NKAIN2: variants seen among roughly 807,000 people sequenced by gnomAD.
NKAIN2 encodes the protein sodium/potassium-transporting ATPase subunit beta-1-interacting protein 2.
In NKAIN2, 14 loss-of-function variants were observed where a neutral mutation model predicts 32.6. The observed-to-expected ratio is 0.43, with a 90% CI of 0.28 to 0.67. The LOEUF is 0.67. Ranked by LOEUF, NKAIN2 falls within the 30% of genes least tolerant of loss-of-function variation. The probability of loss-of-function intolerance (pLI) is 0.17; values close to 1 mark genes in which losing one functional copy is unlikely to be tolerated. For missense variants in NKAIN2, 198 were observed against 258.3 expected (o/e 0.77, Z 1.60); for synonymous variants, 80 against 87.2 (o/e 0.92, Z 0.46).
intron 1 of NKAIN2, among the ~76,000 whole-genome samples, chr6:124,062,442 A>G (rs960714582): frequency 6.6e-6 from 1 of 151,996 alleles, no homozygotes; most frequent in African/African-American, 2.4e-5. Flanking sequence ...TGTTGTTGTT[A>G]TTTTGAGACA....
intron 4 of NKAIN2, among the ~76,000 whole-genome samples, chr6:124,771,540 T>C (rs116349050): frequency 3.9e-4 from 59 of 152,282 alleles, no homozygotes; most frequent in African/African-American, 1.3e-3. Flanking sequence ...TAAGACGATA[T>C]TTTGCTGAGG....
At chr6:124,262,857 A>G (rs2114848660) in intron 1 of NKAIN2, among the ~76,000 whole-genome samples, 2 of 152,270 alleles carry the variant, frequency 1.3e-5, no homozygotes, top group Non-Finnish European at 2.9e-5. Context: ...TGGACTCTGG[A>G]TCAAGTCTAC....
At chr6:124,754,630 A>T (rs914730618) in intron 4 of NKAIN2, among the ~76,000 whole-genome samples, 1 of 152,124 alleles carries the variant, frequency 6.6e-6, no homozygotes, top group Non-Finnish European at 1.5e-5. Flanking sequence ...AAAAGTTCAA[A>T]AAATAACAGA....
At chr6:124,452,872 C>G (rs1776164545) in intron 3 of NKAIN2, among the ~76,000 whole-genome samples, 1 of 152,076 alleles carries the variant, frequency 6.6e-6, no homozygotes, top group Admixed American at 6.6e-5. Flanking sequence ...AAGCACTACC[C>G]TTTCACATCT....
intron 1 of NKAIN2, among the ~76,000 whole-genome samples, chr6:124,227,130 G>A (rs1228801075): frequency 6.6e-6 from 1 of 151,692 alleles, no homozygotes; most frequent in African/African-American, 2.4e-5. Context: ...GAATCTAGTG[G>A]CCTGAACTCA....
intron 4 of NKAIN2, among the ~76,000 whole-genome samples, chr6:124,708,368 A>G (rs1775219439): frequency 6.6e-6 from 1 of 151,606 alleles, no homozygotes; most frequent in Non-Finnish European, 1.5e-5. Context: ...GTTTTTTCCA[A>G]TTCTGTGAAG....
chr6:124,742,112 T>C (rs1423949228), intron 4 of NKAIN2, among the ~76,000 whole-genome samples: 1 of 151,910 alleles, frequency 6.6e-6, no homozygotes, highest in Non-Finnish European at 1.5e-5. Context: ...GAATCACATG[T>C]GCCTCTGGCT....
In NKAIN2 at chr6:123,848,836, GAGAA is replaced by G. The variant is rs1376277637; in HGVS notation, c.54+44586_54+44589del. Among the ~76,000 whole-genome samples, 6 of 152,186 alleles carry G rather than the reference GAGAA, an allele frequency of 3.9e-5. No homozygotes were observed. The East Asian group carries it at 1.2e-3, about 29-fold the overall frequency. On this transcript the variant is annotated intron_variant, in intron 1 of 6. Transcript: ENST00000368417. ...TTTCATACCAGCATTCAGATTTGGA[GAGAA>G]AGAGCTGAAAAACACAGCATGTCTG...
intron 3 of NKAIN2, among the ~76,000 whole-genome samples, chr6:124,425,995 T>C (rs1214585533): frequency 6.6e-6 from 1 of 152,136 alleles, no homozygotes; most frequent in Non-Finnish European, 1.5e-5. Flanking sequence ...AATAGCAAAC[T>C]ACTGGCCTTT....
chr6:124,041,729 A>T (rs980595945), intron 1 of NKAIN2, among the ~76,000 whole-genome samples: 1 of 152,106 alleles, frequency 6.6e-6, no homozygotes, highest in Non-Finnish European at 1.5e-5. Flanking sequence ...AAAAGGGAAA[A>T]AAACAGTTTA....
intron 1 of NKAIN2, among the ~76,000 whole-genome samples, chr6:123,812,823 C>T (rs989267519): frequency 6.6e-6 from 1 of 152,216 alleles, no homozygotes; most frequent in African/African-American, 2.4e-5. Context: ...AAACCCCCAA[C>T]AATGTTGCAT....
At chr6:124,377,174 T>C (rs1229389716) in intron 3 of NKAIN2, among the ~76,000 whole-genome samples, 1 of 152,218 alleles carries the variant, frequency 6.6e-6, no homozygotes, top group Non-Finnish European at 1.5e-5. Context: ...TTCTTTGACA[T>C]TGGATATTTT....
intron 3 of NKAIN2, among the ~76,000 whole-genome samples, chr6:124,407,380 A>G (rs1023429713): frequency 3.0e-5 from 4 of 133,104 alleles, no homozygotes; most frequent in Admixed American, 8.8e-5. Flanking sequence ...TGTGTGTGAT[A>G]TTCCCCTTCC....
At chr6:124,551,803 T>C (rs936054774) in intron 3 of NKAIN2, among the ~76,000 whole-genome samples, 1 of 152,228 alleles carries the variant, frequency 6.6e-6, no homozygotes, top group South Asian at 2.1e-4. Context: ...TTAACTTATC[T>C]GAAAACAAAT....
intron 4 of NKAIN2, among the ~76,000 whole-genome samples, chr6:124,783,485 G>C (rs1199120770): frequency 6.6e-6 from 1 of 152,154 alleles, no homozygotes; most frequent in Non-Finnish European, 1.5e-5. Flanking sequence ...CCTCTGAAAA[G>C]CTTTTCTGAC....
intron 1 of NKAIN2, among the ~76,000 whole-genome samples, chr6:124,099,729 G>A (rs533891444): frequency 1.2e-4 from 19 of 152,184 alleles, no homozygotes; most frequent in African/African-American, 3.9e-4. Context: ...GGTAGGGAGA[G>A]GTGCTCCTGG....
chr6:123,866,700 G>A (rs948969186), intron 1 of NKAIN2, among the ~76,000 whole-genome samples: 2 of 152,146 alleles, frequency 1.3e-5, no homozygotes, highest in East Asian at 3.9e-4. Context: ...AAAGTGCTGG[G>A]ATTACAGGCG....
At chr6:124,639,769 G>A (rs1451010672) in intron 3 of NKAIN2, among the ~76,000 whole-genome samples, 1 of 152,160 alleles carries the variant, frequency 6.6e-6, no homozygotes, top group Non-Finnish European at 1.5e-5. Flanking sequence ...GTATGTGCGA[G>A]CTGAACAAGT....
intron 1 of NKAIN2, among the ~76,000 whole-genome samples, chr6:124,181,799 A>G (rs984021782): frequency 2.6e-5 from 4 of 152,172 alleles, no homozygotes; most frequent in African/African-American, 9.6e-5. Context: ...TATCACTATC[A>G]GCATTTTGGT....
Sources: gnomAD v4.1 joint callset for allele counts (sites outside exome capture counted in the v4.1 genomes callset) on GRCh38, gnomAD v4.1.1 for gene constraint, MANE v1.5 for transcripts, NCBI Gene and HGNC (gene_info 2026-07-23, HGNC 2026-07-21) for gene names.